Variants in LINGO2 observed in about 807,000 individuals in gnomAD.
LINGO2 encodes the protein leucine-rich repeat and immunoglobulin-like domain-containing nogo receptor-interacting protein 2.
A neutral mutation model predicts 30.6 loss-of-function variants in LINGO2; 14 were observed. The observed-to-expected ratio is 0.46, with a 90% confidence interval of 0.30 to 0.72. The LOEUF (loss-of-function observed/expected upper bound fraction) is 0.72, where lower values mean the gene tolerates loss of function less well. Among genes scored for constraint, LINGO2 ranks in the 30% least tolerant of loss-of-function variants. The pLI is 0.07. For missense variants in LINGO2, 729 were observed against 751.7 expected (o/e 0.97, Z 0.35); for synonymous variants, 317 against 288.5 (o/e 1.10, Z -1.00).
At chr9:28,047,543 G>A (rs1258681944) in intron 4 of LINGO2, among the ~76,000 whole-genome samples, 1 of 150,726 alleles carries the variant, frequency 6.6e-6, no homozygotes, top group Non-Finnish European at 1.5e-5. Flanking sequence ...AGACAGTTCT[G>A]GGTGCAAATC....
At chr9:28,479,044 C>A (rs1206450207) in intron 1 of LINGO2, among the ~76,000 whole-genome samples, 3 of 151,798 alleles carry the variant, frequency 2.0e-5, no homozygotes, top group Non-Finnish European at 4.4e-5. Flanking sequence ...TATGTTATTT[C>A]ATTTAATTGA....
intron 1 of LINGO2, among the ~76,000 whole-genome samples, chr9:28,653,861 T>C (rs1287131068): frequency 6.6e-6 from 1 of 152,128 alleles, no homozygotes; most frequent in Non-Finnish European, 1.5e-5. Flanking sequence ...TGTTAAAGAT[T>C]ACAGGAATCC....
At chr9:29,207,198 A>C in the LINGO2 span, among the ~76,000 whole-genome samples, 5 of 151,970 alleles carry the variant, frequency 3.3e-5, no homozygotes, top group Non-Finnish European at 5.9e-5. Context: ...ATACGTATAT[A>C]TGTATATAAA....
chr9:28,497,669 A>T (rs1357686893), intron 1 of LINGO2, among the ~76,000 whole-genome samples: 1 of 152,180 alleles, frequency 6.6e-6, no homozygotes, highest in Admixed American at 6.5e-5. Context: ...CATCAAAGTC[A>T]TTCTCCATCC....
intron 1 of LINGO2, among the ~76,000 whole-genome samples, chr9:28,481,899 T>A (rs904933679): frequency 1.1e-4 from 16 of 152,072 alleles, no homozygotes; most frequent in Admixed American, 8.5e-4. Flanking sequence ...TTGTGATAGT[T>A]TACTGAGAAT....
chr9:28,174,898 C>CTCTG (rs139070322), intron 4 of LINGO2, among the ~76,000 whole-genome samples: 35,548 of 140,868 alleles, frequency 0.25, 4,961 homozygotes, highest in Non-Finnish European at 0.32. Flanking sequence ...ATTTGTGTCT[C>CTCTG]TGTGTGTGTG....
At chr9:29,070,607 A>AGACAT in the LINGO2 span, among the ~76,000 whole-genome samples, 1 of 152,120 alleles carries the variant, frequency 6.6e-6, no homozygotes, top group South Asian at 2.1e-4. Flanking sequence ...GAAATCAGAC[A>AGACAT]GACATGAGTG....
chr9:28,560,861 G>T (rs1378471577), intron 1 of LINGO2, among the ~76,000 whole-genome samples: 2 of 151,848 alleles, frequency 1.3e-5, no homozygotes, highest in Non-Finnish European at 2.9e-5. Flanking sequence ...TTTTGGTAGA[G>T]ATGGGGTTTC....
the LINGO2 span, among the ~76,000 whole-genome samples, chr9:29,093,582 T>C: frequency 5.9e-4 from 80 of 136,330 alleles, 11 homozygotes; most frequent in Non-Finnish European, 7.9e-5. Flanking sequence ...CCACATTATA[T>C]ATAAGAATTA....
chr9:28,221,055 T>G (rs1460874184), intron 4 of LINGO2, among the ~76,000 whole-genome samples: 1 of 151,988 alleles, frequency 6.6e-6, no homozygotes, highest in African/African-American at 2.4e-5. Context: ...ATCCCAGCAC[T>G]TTGGGAGGCT....
At chr9:28,267,310 T>C (rs997021329) in intron 4 of LINGO2, among the ~76,000 whole-genome samples, 1 of 151,984 alleles carries the variant, frequency 6.6e-6, no homozygotes, top group Non-Finnish European at 1.5e-5. Context: ...CAGTCTTTAT[T>C]TAATTATCTT....
chr9:28,274,540 C>A (rs1004479808), intron 4 of LINGO2, among the ~76,000 whole-genome samples: 1 of 152,076 alleles, frequency 6.6e-6, no homozygotes, highest in East Asian at 1.9e-4. Context: ...TTTCATTTAC[C>A]TTTTAAAATT....
chr9:28,913,951 C>T, the LINGO2 span, among the ~76,000 whole-genome samples: 1 of 152,124 alleles, frequency 6.6e-6, no homozygotes, highest in Non-Finnish European at 1.5e-5. Flanking sequence ...TAGTCACTAT[C>T]ATTTAATTGT....
At chr9:28,988,623 A>T in the LINGO2 span, among the ~76,000 whole-genome samples, 6 of 152,318 alleles carry the variant, frequency 3.9e-5, no homozygotes, top group Non-Finnish European at 8.8e-5. Context: ...TGATCTAGCC[A>T]TACAGTTACC....
chr9:28,554,550 G>A (rs1313133887), intron 1 of LINGO2, among the ~76,000 whole-genome samples: 1 of 147,178 alleles, frequency 6.8e-6, no homozygotes, highest in East Asian at 2.0e-4. Flanking sequence ...ATTAATAATG[G>A]GAGACTCTAA....
At chr9:27,982,821 G>C (rs1239950464) in intron 5 of LINGO2, among the ~76,000 whole-genome samples, 1 of 151,648 alleles carries the variant, frequency 6.6e-6, no homozygotes, top group Non-Finnish European at 1.5e-5. Context: ...CTTCCTATTA[G>C]TAAACTGTGG....
intron 5 of LINGO2, among the ~76,000 whole-genome samples, chr9:27,976,049 C>G (rs1022284883): frequency 5.3e-5 from 8 of 152,050 alleles, no homozygotes; most frequent in African/African-American, 1.9e-4. Flanking sequence ...CACTTACCAC[C>G]TGAATGAATT....
At chr9:29,101,193 G>T in the LINGO2 span, among the ~76,000 whole-genome samples, 1 of 152,100 alleles carries the variant, frequency 6.6e-6, no homozygotes, top group Admixed American at 6.5e-5. Flanking sequence ...GTTGACACTT[G>T]GAAAGGAGTA....
chr9:28,602,106 A>G (rs959145045), intron 1 of LINGO2, among the ~76,000 whole-genome samples: 6 of 152,080 alleles, frequency 3.9e-5, no homozygotes, highest in Non-Finnish European at 5.9e-5. Flanking sequence ...GAAACCAAGC[A>G]AAGTTGTGAT....
Sources: allele counts gnomAD v4.1 joint callset (sites outside exome capture counted in the v4.1 genomes callset), GRCh38; gene constraint gnomAD v4.1.1; transcripts MANE v1.5; gene names NCBI Gene and HGNC (gene_info 2026-07-23, HGNC 2026-07-21).